The following SLC15A2 variants were observed in gnomAD, a reference collection of about 807,000 sequenced individuals.
The protein encoded by SLC15A2 is kidney H(+)/peptide cotransporter.
SLC15A2 carries 77 observed loss-of-function variants against 95.5 expected under a neutral mutation model. The ratio of observed to expected loss-of-function variants is 0.81; its 90% CI spans 0.67 to 0.97. SLC15A2 has a LOEUF of 0.97. Among genes scored for constraint, SLC15A2 ranks in the 50% least tolerant of loss-of-function variants. The pLI, the probability that SLC15A2 is intolerant of heterozygous loss-of-function variation, is 0.00. For missense variants in SLC15A2, 893 were observed against 874.4 expected, an observed-to-expected ratio of 1.02 and a Z score of -0.27; for synonymous variants, 306 against 306.9, an observed-to-expected ratio of 1.00 and a Z score of 0.03.
intron 17 of SLC15A2, among the ~76,000 whole-genome samples, chr3:121,930,467 G>A (rs1710209825): frequency 6.6e-6 from 1 of 152,048 alleles, no homozygotes; most frequent in Admixed American, 6.6e-5. Flanking sequence ...ATTTTTCTTA[G>A]TAAAGTCTCA....
At chr3:121,897,324 T>A (rs2107564923) in intron 2 of SLC15A2, 64 bp from the exon 3 acceptor site, 2 of 1,571,554 alleles carry the variant, frequency 1.3e-6, no homozygotes, top group East Asian at 4.5e-5. Context: ...TTTTTTTCCA[T>A]AAGTCACTTT....
rs1710162741 is a variant in SLC15A2, at chr3:121,928,358, G to A, written c.1207-63G>A. ...AGGCTGTCAGAAACAACTGAGATAT[G>A]TGTTGCCATTGTATCTGAAGGATTA... On this transcript the variant is annotated intron_variant, in intron 14 of 21. Transcript: ENST00000489711. The A allele has an allele frequency of 1.9e-5, 30 of 1,572,942 alleles. 1 individual carries two copies. The South Asian group carries it at 3.4e-4, about 18-fold the overall frequency.
At position 121,915,652 on chromosome 3, in the gene SLC15A2, T is replaced by C; in HGVS notation, c.656T>C (p.Leu219Ser). The C allele has an allele frequency of 6.2e-7, 1 of 1,614,094 alleles. No homozygotes were observed. The highest frequency in any genetic ancestry group is 8.5e-7 in the Non-Finnish European group (1 of 1,179,954). Residue 219 changes from leucine to serine, a missense_variant, in exon 7 of 22, where the codon TTG (leucine) becomes TCG (serine). Physicochemically the swap from Leu to Ser is moderately radical, Grantham distance 145 (BLOSUM62 -2). Coordinates refer to ENST00000489711, the MANE Select transcript of SLC15A2 (RefSeq NM_021082.4). ...TGTTTTGGAGAAGACTGCTATGCATTGGCTTTTGGAGTTCCAGGACTGCTC... is the reference window on the plus strand; with the variant it reads ...TGTTTTGGAGAAGACTGCTATGCATCGGCTTTTGGAGTTCCAGGACTGCTC... ...VQCFGEDCYA[L>S]AFGVPGLLMV... is the part of the protein sequence containing the mutation.
rs1451672590 is a variant in SLC15A2, at chr3:121,942,529, C to G, written c.*1522C>G. On this transcript the variant is annotated 3_prime_UTR_variant, in exon 22 of 22. Coordinates refer to ENST00000489711, the MANE Select transcript of SLC15A2 (RefSeq NM_021082.4). ...GGTAAGAGAAATTGCTCTAAGTGCCCAAACTTTATATACTTCAGTTTTAAT... is the reference window on the plus strand; with the variant it reads ...GGTAAGAGAAATTGCTCTAAGTGCCGAAACTTTATATACTTCAGTTTTAAT... 2 of 152,118 alleles carry G rather than the reference C, an allele frequency of 1.3e-5. No homozygotes were observed. The highest frequency in any genetic ancestry group is 4.8e-5 in the African/African-American group (2 of 41,412). 9.4% of individuals were successfully genotyped at this position (152,118 alleles called of 1,614,324 possible).
At chr3:121,904,146 CTGTT>C (rs1232829693) in intron 3 of SLC15A2, among the ~76,000 whole-genome samples, 4 of 152,152 alleles carry the variant, frequency 2.6e-5, no homozygotes, top group Admixed American at 6.5e-5. Context: ...ATTTGGCTCT[CTGTT>C]TGTCTGTTAT....
intron 19 of SLC15A2, among the ~76,000 whole-genome samples, chr3:121,933,919 C>T: frequency 6.7e-6 from 1 of 149,754 alleles, no homozygotes; most frequent in Admixed American, 6.7e-5. Flanking sequence ...GTCTTTAATC[C>T]ATCTTGAATT....
chr3:121,897,816 A>T (rs1375668811), intron 3 of SLC15A2, among the ~76,000 whole-genome samples: 1 of 152,204 alleles, frequency 6.6e-6, no homozygotes, highest in Non-Finnish European at 1.5e-5. Flanking sequence ...ATAGTTTAAT[A>T]TTAAATCTTG....
At chr3:121,923,165 C>T (rs1399321145) in intron 10 of SLC15A2, 36 bp downstream of exon 10, 1 of 1,612,958 alleles carries the variant, frequency 6.2e-7, no homozygotes, top group Admixed American at 1.7e-5. Context: ...CCGCTCCTTA[C>T]AGCCACTTCC....
intron 7 of SLC15A2, among the ~76,000 whole-genome samples, chr3:121,918,454 A>G (rs1709938949): frequency 1.3e-5 from 2 of 152,300 alleles, no homozygotes; most frequent in South Asian, 4.1e-4. Context: ...ACAGGATTAG[A>G]GCTTAGAAGA....
intron 7 of SLC15A2, among the ~76,000 whole-genome samples, chr3:121,919,023 A>T (rs1046295565): frequency 5.3e-5 from 8 of 152,150 alleles, no homozygotes; most frequent in Non-Finnish European, 7.3e-5. Flanking sequence ...TGGGTGCGGC[A>T]TCTAGACAAG....
Position 121,940,846 on chromosome 3 carries a change from T to C in SLC15A2, c.2029T>C (p.Leu677=). 1 of 1,612,174 alleles carries C rather than the reference T, an allele frequency of 6.2e-7. No homozygotes were observed. Among genetic ancestry groups the C allele is most frequent in the South Asian group, 1.1e-5 (1 of 90,488 alleles). Residue 677 remains leucine, a synonymous_variant, in exon 22 of 22, where the codon TTG becomes CTG. Transcript: ENST00000489711. ...SGLVQWAEFI[L]FSCLLLVICL... ...CCCCCTGCAGTGGGCCGAATTCATT[T>C]TGTTTTCCTGCCTCCTGCTGGTGAT...
chr3:121,917,400 C>T (rs1015804492), intron 7 of SLC15A2, among the ~76,000 whole-genome samples: 3 of 152,038 alleles, frequency 2.0e-5, no homozygotes, highest in Admixed American at 1.3e-4. Context: ...TAATTAAGAC[C>T]TTGAGGGACC....
chr3:121,918,737 A>G (rs1709945942), intron 7 of SLC15A2, among the ~76,000 whole-genome samples: 1 of 152,228 alleles, frequency 6.6e-6, no homozygotes, highest in Admixed American at 6.5e-5. Flanking sequence ...AGAGTGATAA[A>G]TGTTCCTGAG....
intron 3 of SLC15A2, among the ~76,000 whole-genome samples, chr3:121,902,709 A>G (rs1007453673): frequency 2.0e-5 from 3 of 152,178 alleles, no homozygotes; most frequent in Admixed American, 2.0e-4. Flanking sequence ...TTATGGTTGC[A>G]TAGTATTCCA....
At position 121,929,299 on chromosome 3, in the gene SLC15A2, T is replaced by C. The variant is rs1297211802; in HGVS notation, c.1507-3T>C. 6.2e-7 allele frequency: 1 copy of C among 1,613,846 alleles called. No individual in the cohort carries two copies. Among genetic ancestry groups the C allele is most frequent in the East Asian group, 2.2e-5 (1 of 44,874 alleles). ...TACTGATTTTTACTTTCCTCTGTTGTAGGTAAAGGATACAGAAAGCAGAAC... is the reference window on the plus strand; with the variant it reads ...TACTGATTTTTACTTTCCTCTGTTGCAGGTAAAGGATACAGAAAGCAGAAC... On this transcript the variant is annotated splice_region_variant and splice_polypyrimidine_tract_variant and intron_variant, in intron 16 of 21. Transcript: ENST00000489711.
At chr3:121,924,001 C>T (rs1710061152) in intron 11 of SLC15A2, among the ~76,000 whole-genome samples, 1 of 152,084 alleles carries the variant, frequency 6.6e-6, no homozygotes. Flanking sequence ...GAGTCTTCAC[C>T]CTAACCATGA....
At chr3:121,924,901 TAGG>T in intron 12 of SLC15A2, 41 bp from the exon 13 acceptor site, 1 of 1,363,730 alleles carries the variant, frequency 7.3e-7, no homozygotes, top group Non-Finnish European at 1.1e-6. Context: ...ACACTCATGA[TAGG>T]AGAATATTTG....
intron 3 of SLC15A2, among the ~76,000 whole-genome samples, chr3:121,907,608 G>C (rs1576673188): frequency 6.6e-6 from 1 of 152,164 alleles, no homozygotes; most frequent in African/African-American, 2.4e-5. Flanking sequence ...TAACAGTCAG[G>C]TCCCTCAGCT....
intron 20 of SLC15A2, among the ~76,000 whole-genome samples, chr3:121,939,823 G>A (rs183229725): frequency 3.2e-4 from 49 of 152,138 alleles, no homozygotes; most frequent in African/African-American, 8.9e-4. Flanking sequence ...CTGTCGCCCA[G>A]GCTGGAGTGC....
Sources: allele counts gnomAD v4.1 joint callset (sites outside exome capture counted in the v4.1 genomes callset), GRCh38; gene constraint gnomAD v4.1.1; transcripts MANE v1.5; gene names NCBI Gene and HGNC (gene_info 2026-07-23, HGNC 2026-07-21).